The following CAMTA1 variants were observed in gnomAD, a reference collection of about 807,000 sequenced individuals.
CAMTA1 encodes calmodulin-binding transcription activator 1.
CAMTA1 carries 27 observed loss-of-function variants against 170.9 expected under a neutral mutation model. The ratio of observed to expected loss-of-function variants is 0.16; its 90% confidence interval spans 0.12 to 0.22. The LOEUF (loss-of-function observed/expected upper bound fraction) is 0.22. Ranked by LOEUF, CAMTA1 falls within the 10% of genes least tolerant of loss-of-function variation. The pLI is 1.00. For missense variants in CAMTA1, 1,619 were observed against 2,217.2 expected (o/e 0.73, Z 5.42); for synonymous variants, 833 against 891.5 (o/e 0.93, Z 1.17).
At chr1:7,265,104 C>T (rs760961754) in intron 5 of CAMTA1, among the ~76,000 whole-genome samples, 5 of 152,116 alleles carry the variant, frequency 3.3e-5, no homozygotes, top group Non-Finnish European at 7.4e-5. Context: ...CAGGCAGCCT[C>T]GAGTTAGATG....
intron 6 of CAMTA1, among the ~76,000 whole-genome samples, chr1:7,554,447 G>A (rs1024958431): frequency 6.6e-6 from 1 of 151,942 alleles, no homozygotes; most frequent in Non-Finnish European, 1.5e-5. Context: ...TTCCCCTCCC[G>A]TGCCCAGGGC....
At chr1:7,743,082 A>G (rs561680809) in intron 16 of CAMTA1, among the ~76,000 whole-genome samples, 3 of 152,110 alleles carry the variant, frequency 2.0e-5, no homozygotes, top group Non-Finnish European at 4.4e-5. Flanking sequence ...TGAACTCCTG[A>G]GCTCAGGCGA....
intron 3 of CAMTA1, among the ~76,000 whole-genome samples, chr1:6,980,774 C>T (rs115800720): frequency 0.085 from 12,896 of 152,228 alleles, 704 homozygotes; most frequent in Non-Finnish European, 0.12. Context: ...CTTTGCCTTC[C>T]GCCATGATCA....
At chr1:7,616,464 C>G (rs1464631294) in intron 6 of CAMTA1, among the ~76,000 whole-genome samples, 1 of 152,212 alleles carries the variant, frequency 6.6e-6, no homozygotes, top group Non-Finnish European at 1.5e-5. Flanking sequence ...TCCTAAATGC[C>G]TCCGAACCGG....
At chr1:7,721,761 T>C (rs893598108) in intron 11 of CAMTA1, among the ~76,000 whole-genome samples, 6 of 152,286 alleles carry the variant, frequency 3.9e-5, no homozygotes, top group African/African-American at 9.6e-5. Context: ...AGAGTCTCAC[T>C]CCATCGCCCA....
intron 4 of CAMTA1, among the ~76,000 whole-genome samples, chr1:7,128,017 G>A (rs1166580303): frequency 1.3e-5 from 2 of 152,212 alleles, no homozygotes; most frequent in African/African-American, 4.8e-5. Flanking sequence ...CCTTCTTGGG[G>A]TGTGGAATTT....
chr1:7,054,887 C>G (rs1450148268), intron 3 of CAMTA1, among the ~76,000 whole-genome samples: 2 of 152,152 alleles, frequency 1.3e-5, no homozygotes, highest in Admixed American at 6.5e-5. Flanking sequence ...AAGCATAGTG[C>G]CGGCATCTGC....
Position 7,596,704 on chromosome 1 carries a change from G to A in CAMTA1, c.511-43696G>A, listed in dbSNP as rs538129077. ...TCTGTGGTTGAATTGGCCATCACCC[G>A]CTGGGGACAGCCAAATCCGTCAAGC... On this transcript the variant is annotated intron_variant, in intron 6 of 22. Coordinates refer to ENST00000303635, the MANE Select transcript of CAMTA1 (RefSeq NM_015215.4). Among the ~76,000 whole-genome samples, 13 of 152,316 alleles carry A rather than the reference G, an allele frequency of 8.5e-5. No homozygotes were observed. The South Asian group carries it at 2.3e-3, about 27-fold the overall frequency.
intron 16 of CAMTA1, among the ~76,000 whole-genome samples, chr1:7,740,068 T>C (rs2096800634): frequency 6.6e-6 from 1 of 151,350 alleles, no homozygotes; most frequent in Admixed American, 6.6e-5. Context: ...CCACAACACA[T>C]GGGAATTATG....
rs184938073 is a variant in CAMTA1, at chr1:7,008,623, A to C, written c.235-82681A>C. The C allele has an allele frequency of 5.3e-5, 8 of 152,294 alleles. No individual in the cohort carries two copies. The East Asian group carries it at 1.4e-3, about 26-fold the overall frequency. 9.4% of individuals were successfully genotyped at this position (152,294 alleles called of 1,614,324 possible). A position where few individuals can be genotyped will look rare whatever the true frequency, so the allele number is the denominator to read the frequency against. On this transcript the variant is annotated intron_variant, in intron 3 of 22. Coordinates refer to ENST00000303635, the MANE Select transcript of CAMTA1 (RefSeq NM_015215.4). The stretch of plus-strand genomic sequence containing the variant: ...CTGGCTGTCTACACTAGATGAATAG[A>C]ACTTTCACAGGTTAGTGGCTTCATC...
intron 4 of CAMTA1, among the ~76,000 whole-genome samples, chr1:7,197,678 A>ACACACACACACACACACACACT (rs57819326): frequency 7.2e-5 from 10 of 139,138 alleles, no homozygotes; most frequent in East Asian, 6.6e-4. Flanking sequence ...ACACACACAC[A>ACACACACACACACACACACACT]ATCTACTTGC....
At chr1:7,268,423 C>T (rs1669235796) in intron 5 of CAMTA1, among the ~76,000 whole-genome samples, 1 of 152,176 alleles carries the variant, frequency 6.6e-6, no homozygotes, top group South Asian at 2.1e-4. Context: ...AGGGTTCACA[C>T]AGAACTGGGA....
At chr1:7,697,756 G>A (rs1329834568) in intron 11 of CAMTA1, among the ~76,000 whole-genome samples, 1 of 152,150 alleles carries the variant, frequency 6.6e-6, no homozygotes, top group Non-Finnish European at 1.5e-5. Context: ...GATGGCTAAT[G>A]CATCTCTTCC....
chr1:6,970,656 C>T lies in CAMTA1; in HGVS notation c.235-120648C>T, dbSNP rs923282644. On this transcript the variant is annotated intron_variant, in intron 3 of 22. Transcript: ENST00000303635. This position sits in a 1 kb window ranked among gnomAD's most constrained non-coding sequence, Gnocchi z 4.4. ...AGCAGGCAATAGTTAGGAATGTGAT[C>T]GATGTGCATATCAGAAGCACAGGGG... Among the ~76,000 whole-genome samples the T allele has an allele frequency of 1.3e-5, 2 of 152,060 alleles. No individual in the cohort carries two copies. The highest frequency in any genetic ancestry group is 1.9e-4 in the East Asian group (1 of 5,184).
intron 3 of CAMTA1, among the ~76,000 whole-genome samples, chr1:6,888,787 T>C (rs1339235770): frequency 6.6e-6 from 1 of 152,224 alleles, no homozygotes; most frequent in Non-Finnish European, 1.5e-5. Flanking sequence ...CCAATATTGT[T>C]CTTAAAAACC....
chr1:7,103,154 A>T (rs1333899499), intron 4 of CAMTA1, among the ~76,000 whole-genome samples: 24 of 151,958 alleles, frequency 1.6e-4, no homozygotes, highest in Admixed American at 1.6e-3. Flanking sequence ...GTACCCTTGA[A>T]CAGGGTACCT....
intron 11 of CAMTA1, among the ~76,000 whole-genome samples, chr1:7,701,133 T>C (rs80088326): frequency 6.6e-6 from 1 of 152,338 alleles, no homozygotes; most frequent in East Asian, 1.9e-4. Flanking sequence ...TAGGGCAGAA[T>C]GAACACAGGC....
At chr1:6,926,970 A>G (rs978853193) in intron 3 of CAMTA1, among the ~76,000 whole-genome samples, 2 of 151,222 alleles carry the variant, frequency 1.3e-5, no homozygotes, top group Admixed American at 6.6e-5. Context: ...GGCTCAAGCA[A>G]TCCTCCTGCT....
intron 5 of CAMTA1, among the ~76,000 whole-genome samples, chr1:7,450,779 T>C (rs1445210018): frequency 6.6e-6 from 1 of 152,202 alleles, no homozygotes; most frequent in Non-Finnish European, 1.5e-5. Context: ...CTGCATTCTC[T>C]CTTTCTGGAG....
Sources: allele counts gnomAD v4.1 joint callset (sites outside exome capture counted in the v4.1 genomes callset), GRCh38; gene constraint gnomAD v4.1.1; non-coding constraint Gnocchi (gnomAD v3.1); transcripts MANE v1.5; gene names NCBI Gene and HGNC (gene_info 2026-07-23, HGNC 2026-07-21).